Variants in SPAG17 observed in about 807,000 individuals in gnomAD.
The protein encoded by SPAG17 is sperm associated antigen 17.
Under a neutral mutation model 273.6 loss-of-function variants are expected in SPAG17, and 169 were observed. That is an observed-to-expected ratio of 0.62 (90% CI 0.55 to 0.70). SPAG17 has a LOEUF of 0.70. Among genes scored for constraint, SPAG17 ranks in the 30% least tolerant of loss-of-function variants. The pLI, the probability that SPAG17 is intolerant of heterozygous loss-of-function variation, is 0.00. For missense variants in SPAG17, 2,557 were observed against 2,627.8 expected (o/e 0.97, Z 0.59); for synonymous variants, 825 against 873.2 (o/e 0.94, Z 0.97).
At chr1:118,142,084 G>A (rs1204768710) in intron 3 of SPAG17, among the ~76,000 whole-genome samples, 1 of 152,152 alleles carries the variant, frequency 6.6e-6, no homozygotes, top group Non-Finnish European at 1.5e-5. Context: ...AGCAACCCAC[G>A]TGTCCACTAA....
At chr1:118,184,368 T>C (rs1442662551) in intron 1 of SPAG17, among the ~76,000 whole-genome samples, 1 of 152,168 alleles carries the variant, frequency 6.6e-6, no homozygotes, top group Non-Finnish European at 1.5e-5. Flanking sequence ...ATTGGGCTCC[T>C]CATTTACTGA....
intron 48 of SPAG17, chr1:117,959,379 A>G (rs148660903): frequency 2.1e-5 from 34 of 1,613,858 alleles, no homozygotes; most frequent in African/African-American, 1.3e-4. Context: ...TGCTGATGCT[A>G]CTAGCCACTT....
chr1:117,967,440 A>G (rs1654005103), intron 46 of SPAG17, among the ~76,000 whole-genome samples: 1 of 152,166 alleles, frequency 6.6e-6, no homozygotes, highest in African/African-American at 2.4e-5. Context: ...GCCACACACA[A>G]AATATACTAA....
intron 17 of SPAG17, 72 bp from the exon 18 acceptor site, chr1:118,066,971 T>C: frequency 1.4e-6 from 2 of 1,399,596 alleles, no homozygotes; most frequent in Non-Finnish European, 1.9e-6. Context: ...TACTAGGGCA[T>C]TTCTCTACTC....
intron 32 of SPAG17, among the ~76,000 whole-genome samples, chr1:118,001,186 C>T (rs373234757): frequency 2.3e-4 from 35 of 152,096 alleles, no homozygotes; most frequent in African/African-American, 7.7e-4. Flanking sequence ...CTGAACATGG[C>T]GGATAAGGTT....
intron 20 of SPAG17, among the ~76,000 whole-genome samples, chr1:118,050,435 G>C (rs941822673): frequency 2.0e-5 from 3 of 152,124 alleles, no homozygotes; most frequent in Non-Finnish European, 4.4e-5. Flanking sequence ...AAGAATTGAG[G>C]TTGCTGCAGA....
intron 13 of SPAG17, among the ~76,000 whole-genome samples, chr1:118,082,289 G>A (rs17037867): frequency 6.6e-6 from 1 of 152,146 alleles, no homozygotes; most frequent in African/African-American, 2.4e-5. Flanking sequence ...TCAAGATTTG[G>A]CTCTTACACT....
rs755032473 is a variant in SPAG17 at position 118,025,311 on chromosome 1, G to A, written c.3836C>T (p.Ala1279Val). The A allele has an allele frequency of 2.5e-6, 4 of 1,613,556 alleles. No homozygotes were observed. The African/African-American group carries it at 4.0e-5, about 16-fold the overall frequency. Residue 1279 changes from alanine (A) to valine (V), a missense_variant, in exon 27 of 49, where the codon GCA becomes GTA. Physicochemically the swap from Ala to Val is moderately conservative, Grantham distance 64. Coordinates refer to ENST00000336338, the MANE Select transcript of SPAG17 (RefSeq NM_206996.4). ...GATAACCCTTGAAGCCTCCTGCTCT[G>A]CGGGTGGCATCACCGTTTTATAGAA... is the stretch of plus-strand genomic sequence containing the variant. ...YEFYKTVMPPAEQEASRVITS... is the reference protein window; with the variant it reads ...YEFYKTVMPPVEQEASRVITS...
intron 43 of SPAG17, among the ~76,000 whole-genome samples, chr1:117,978,652 T>C (rs1285809196): frequency 6.6e-6 from 1 of 152,182 alleles, no homozygotes; most frequent in Non-Finnish European, 1.5e-5. Flanking sequence ...GCCACTATTC[T>C]ATCTATTACC....
intron 48 of SPAG17, chr1:117,959,852 T>G (rs905812633): frequency 1.3e-5 from 2 of 154,126 alleles, no homozygotes; most frequent in African/African-American, 4.8e-5. Context: ...TAGGTTTTAC[T>G]GCCTATTGAG....
intron 32 of SPAG17, among the ~76,000 whole-genome samples, chr1:118,003,126 T>C (rs184161641): frequency 6.6e-6 from 1 of 152,342 alleles, no homozygotes; most frequent in African/African-American, 2.4e-5. Context: ...TTGAAAACTC[T>C]TTTCTTTCAG....
At chr1:118,069,630 G>C (rs1222657411) in intron 17 of SPAG17, among the ~76,000 whole-genome samples, 1 of 152,122 alleles carries the variant, frequency 6.6e-6, no homozygotes, top group Non-Finnish European at 1.5e-5. Context: ...TTTGAGTAAG[G>C]TATAATAATG....
Position 118,093,151 on chromosome 1 carries a change from C to T in SPAG17, c.1173+5G>A. On this transcript the variant is annotated splice_donor_5th_base_variant and intron_variant, in intron 8 of 48. Transcript: ENST00000336338. ...TCCCACTAAAGACATTGAGCCCATG[C>T]CTACCTCTGAAGTTGGCATGGCTTC... 1 of 1,611,234 alleles carries T rather than the reference C, an allele frequency of 6.2e-7. No individual in the cohort carries two copies. Among genetic ancestry groups the T allele is most frequent in the Non-Finnish European group, 8.5e-7 (1 of 1,178,716 alleles).
intron 34 of SPAG17, among the ~76,000 whole-genome samples, chr1:117,995,755 A>G (rs1657584420): frequency 6.6e-6 from 1 of 151,174 alleles, no homozygotes; most frequent in South Asian, 2.1e-4. Flanking sequence ...CACAGCACAT[A>G]GGTTTTGTAC....
intron 4 of SPAG17, among the ~76,000 whole-genome samples, chr1:118,110,027 T>C (rs1411486883): frequency 1.3e-5 from 2 of 152,318 alleles, no homozygotes; most frequent in African/African-American, 4.8e-5. Context: ...TAAGTGGCCA[T>C]AGGGCTCACT....
intron 3 of SPAG17, among the ~76,000 whole-genome samples, chr1:118,140,722 T>C (rs1658635244): frequency 6.6e-6 from 1 of 152,232 alleles, no homozygotes; most frequent in Non-Finnish European, 1.5e-5. Context: ...CTCATTTCCA[T>C]GTTTGCCTGC....
intron 18 of SPAG17, among the ~76,000 whole-genome samples, chr1:118,057,120 G>A (rs1354463557): frequency 2.0e-5 from 3 of 151,880 alleles, no homozygotes; most frequent in Non-Finnish European, 4.4e-5. Context: ...GGGATTACAG[G>A]TGCCTGCCAC....
At chr1:118,064,836 G>A (rs1194693367) in intron 18 of SPAG17, among the ~76,000 whole-genome samples, 1 of 151,786 alleles carries the variant, frequency 6.6e-6, no homozygotes, top group Non-Finnish European at 1.5e-5. Flanking sequence ...GCGGTATTTA[G>A]GGAGGGATTT....
Position 117,971,976 on chromosome 1 carries a change from T to C in SPAG17, c.6213A>G (p.Ser2071=), listed in dbSNP as rs761012979. Residue 2071 remains serine (S), a synonymous_variant, in exon 45 of 49, where the codon TCA becomes TCG. Coordinates refer to ENST00000336338, the MANE Select transcript of SPAG17 (RefSeq NM_206996.4). ...GGAGAAGATGGAACCCAAAAAGGGA[T>C]GACTTTGCATTATTAATGGCAGCAG... The part of the protein sequence containing the change: ...VASAAINNAK[S]SLFGFHLLPS... The C allele has an allele frequency of 6.8e-6, 11 of 1,614,166 alleles. No individual in the cohort carries two copies. In the South Asian group the frequency reaches 9.9e-5, roughly 15 times the overall value.
Sources: gnomAD v4.1 joint callset for allele counts (sites outside exome capture counted in the v4.1 genomes callset) on GRCh38, gnomAD v4.1.1 for gene constraint, MANE v1.5 for transcripts, NCBI Gene and HGNC (gene_info 2026-07-23, HGNC 2026-07-21) for gene names.